GDF1: variants seen among roughly 807,000 people sequenced by gnomAD.
GDF1 encodes embryonic growth/differentiation factor 1.
A neutral mutation model predicts 7.4 loss-of-function variants in GDF1; 8 were observed. The observed-to-expected ratio is 1.09, with a 90% confidence interval of 0.64 to 1.96. The LOEUF is 1.96. Ranked by LOEUF, GDF1 falls within the 30% of genes most tolerant of loss-of-function variation. The pLI is 0.00. For missense variants in GDF1, 574 were observed against 551.5 expected (o/e 1.04, Z -0.41); for synonymous variants, 311 against 276.7 (o/e 1.12, Z -1.23).
rs1195603216 is a variant in GDF1, at chr19:18,878,454, CCT to C, written c.-313+474_-313+475del. 8.1e-6 allele frequency: 8 copies of C among 992,030 alleles called. No homozygotes were observed. The Admixed American group carries it at 1.7e-4, about 21-fold the overall frequency. The allele number at this position is 992,030 out of a possible 1,614,324, so 61.5% of individuals were successfully genotyped here. A position where few individuals can be genotyped will look rare whatever the true frequency, so the allele number is the denominator to read the frequency against. On this transcript the variant is annotated intron_variant, in intron 6 of 7. Coordinates refer to ENST00000247005, the MANE Select transcript of GDF1 (RefSeq NM_001492.6). This position sits in a 1 kb window ranked among gnomAD's most constrained non-coding sequence, Gnocchi z 4.6. ...CCTGTTTGGCCGGGCAGTGGGCTCC[CCT>C]GTCAAACTCAGAGGCCAGGATGTCT...
chr19:18,895,811 C>A lies in GDF1; in HGVS notation c.-1074+13G>T. On this transcript the variant is annotated intron_variant, in intron 1 of 7. Coordinates refer to ENST00000247005, the MANE Select transcript of GDF1 (RefSeq NM_001492.6). The surrounding 1 kb of genome is among the most constrained non-coding windows in gnomAD (Gnocchi z 6.4). ...TCCGGGGTCCCCTCGTCCCGGCCCC[C>A]GGCCACACTGACCCGAAAGAGGCGC... 4.0e-6 allele frequency: 5 copies of A among 1,236,096 alleles called. No homozygotes were observed. Among genetic ancestry groups the A allele is most frequent in the Non-Finnish European group, 5.1e-6 (5 of 982,514 alleles). The allele number at this position is 1,236,096 out of a possible 1,614,324, so 76.6% of individuals were successfully genotyped here.
At chr19:18,883,613 G>T (rs1301065594) in intron 3 of GDF1, among the ~76,000 whole-genome samples, 1 of 152,190 alleles carries the variant, frequency 6.6e-6, no homozygotes, top group African/African-American at 2.4e-5. Context: ...AAGCCGGGTG[G>T]GTTTTATGCA....
chr19:18,877,396 C>G (rs2056077430), intron 6 of GDF1, among the ~76,000 whole-genome samples: 1 of 152,182 alleles, frequency 6.6e-6, no homozygotes, highest in African/African-American at 2.4e-5. Flanking sequence ...AAACTGGTGC[C>G]CCCTTTAGCC....
chr19:18,869,319 G>C lies in GDF1; in HGVS notation c.397C>G (p.Leu133Val). ...CGCTCAGCGGGTTCCACAGCCGACA[G>C]GTCGAAGACGACTGTCCACTCAGGG... The part of the protein sequence containing the change: ...HCPEWTVVFD[L>V]SAVEPAERPS... The change falls in exon 8 of 8, where the codon CTG becomes GTG. Residue 133 changes from leucine (L) to valine (V), a missense_variant. Transcript: ENST00000247005. The C allele has an allele frequency of 1.3e-6, 2 of 1,525,328 alleles. No homozygotes were observed. Among genetic ancestry groups the C allele is most frequent in the Non-Finnish European group, 1.7e-6 (2 of 1,143,462 alleles). 94.5% of individuals were successfully genotyped at this position (1,525,328 alleles called of 1,614,324 possible).
chr19:18,887,993 TGGAATCACA>T lies in GDF1; in HGVS notation c.-913-3735_-913-3727del, dbSNP rs1284870731. On this transcript the variant is annotated intron_variant, in intron 2 of 7. Transcript: ENST00000247005. ...GATGACTGTAGGAACCTCATATAAG[TGGAATCACA>T]TAGTATTTGTCTTTTTGTGATTGGC... Among the ~76,000 whole-genome samples, 25 of 152,198 alleles carry T rather than the reference TGGAATCACA, an allele frequency of 1.6e-4. 1 individual carries two copies. In the South Asian group the frequency reaches 1.7e-3, roughly 10 times the overall value.
intron 2 of GDF1, among the ~76,000 whole-genome samples, chr19:18,890,081 C>G (rs1411209753): frequency 6.6e-6 from 1 of 152,172 alleles, no homozygotes; most frequent in Admixed American, 6.5e-5. Context: ...GCTCCCAGCC[C>G]ACAGATAAGT....
At chr19:18,879,160 C>A in intron 5 of GDF1, 81 bp downstream of exon 5, 2 of 1,598,798 alleles carry the variant, frequency 1.3e-6, no homozygotes, top group Non-Finnish European at 8.5e-7. Context: ...ACGTGCCCCT[C>A]CCCGGGACTG....
intron 6 of GDF1, among the ~76,000 whole-genome samples, chr19:18,874,596 C>T (rs1038867148): frequency 3.3e-5 from 5 of 152,222 alleles, no homozygotes; most frequent in Non-Finnish European, 4.4e-5. Flanking sequence ...TGGCCGGTCC[C>T]GGCAGCCCCT....
rs1482686380 is a variant in GDF1 at position 18,883,983 on chromosome 19, G to A, written c.-733+104C>T. ...CTTGGAACCCTGAGCACTCCGACCT[G>A]ATGTGATCCCCTCCACGGCCTCCTC... On this transcript the variant is annotated intron_variant, in intron 3 of 7. Transcript: ENST00000247005. The A allele has an allele frequency of 7.1e-6, 9 of 1,274,474 alleles. No individual in the cohort carries two copies. The African/African-American group carries it at 1.3e-4, about 19-fold the overall frequency. 78.9% of individuals were successfully genotyped at this position (1,274,474 alleles called of 1,614,324 possible).
rs750210287 is a variant in GDF1, at chr19:18,868,912, G to A, written c.804C>T (p.Arg268=). The change falls in exon 8 of 8, where the codon CGC becomes CGT. Residue 268 remains arginine, a synonymous_variant. Coordinates refer to ENST00000247005, the MANE Select transcript of GDF1 (RefSeq NM_001492.6). Reference sequence around the variant, plus strand: ...GGAAGCTCACGTACAGCCGCCGCGCGCGACAAGCGCCCCCGGGGCCGCCGC... The same window carrying A: ...GGAAGCTCACGTACAGCCGCCGCGCACGACAAGCGCCCCCGGGGCCGCCGC... ...VLGGGPGGAC[R]ARRLYVSFRE... 23 of 1,371,656 alleles carry A rather than the reference G, an allele frequency of 1.7e-5. No homozygotes were observed. The South Asian group carries it at 3.0e-4, about 18-fold the overall frequency. The allele number at this position is 1,371,656 out of a possible 1,614,324, so 85.0% of individuals were successfully genotyped here.
rs1409061381 is a variant in GDF1, at chr19:18,870,361, C to T, written c.-54G>A. ...CGCAGGGTCCGCGGCGGCCCGGGAC[C>T]AGTGGGCTGAGGGCGGGGCCGGTGT... On this transcript the variant is annotated 5_prime_UTR_variant, in exon 7 of 8. Transcript: ENST00000247005. This position sits in a 1 kb window ranked among gnomAD's most constrained non-coding sequence, Gnocchi z 5.1. The T allele has an allele frequency of 6.5e-7, 1 of 1,537,986 alleles. No individual in the cohort carries two copies. Among genetic ancestry groups the T allele is most frequent in the East Asian group, 2.5e-5 (1 of 40,554 alleles).
intron 6 of GDF1, among the ~76,000 whole-genome samples, chr19:18,871,080 G>A (rs922186489): frequency 1.3e-5 from 2 of 150,660 alleles, no homozygotes; most frequent in Admixed American, 6.6e-5. Flanking sequence ...TCCCTTCCAT[G>A]TTCTTTTATT....
Position 18,869,209 on chromosome 19 carries a change from T to G in GDF1, c.507A>C (p.Gln169His), listed in dbSNP as rs1280861632. The change falls in exon 8 of 8, where the codon CAA becomes CAC. Residue 169 changes from glutamine to histidine, a missense_variant. Gln to His is a conservative substitution (Grantham distance 24). Coordinates refer to ENST00000247005, the MANE Select transcript of GDF1 (RefSeq NM_001492.6). The part of the protein sequence containing the change: ...PEGGWELSVA[Q>H]AGQGAGADPG... ...GGTCCGCGCCCGCGCCCTGGCCCGC[T>G]TGCGCCACGCTCAGCTCCCAGCCGC... 2.6e-5 allele frequency: 33 copies of G among 1,282,254 alleles called. No homozygotes were observed. Among genetic ancestry groups the G allele is most frequent in the Non-Finnish European group, 2.0e-6 (2 of 1,019,392 alleles). The allele number at this position is 1,282,254 out of a possible 1,614,324, so 79.4% of individuals were successfully genotyped here. A position where few individuals can be genotyped will look rare whatever the true frequency, so the allele number is the denominator to read the frequency against.
intron 1 of GDF1, 39 bp from the exon 2 acceptor site, chr19:18,893,614 G>A: frequency 1.9e-6 from 3 of 1,577,092 alleles, no homozygotes; most frequent in Non-Finnish European, 2.6e-6. Flanking sequence ...ATTGGTGCTG[G>A]GGGCCAGAGA....
rs2055906573 is a variant in GDF1, at chr19:18,868,936, GC to G, written c.779del (p.Gly260AlafsTer15). The G allele has an allele frequency of 2.3e-6, 3 of 1,285,276 alleles. No individual in the cohort carries two copies. Among genetic ancestry groups the G allele is most frequent in the African/African-American group, 1.6e-5 (1 of 61,604 alleles). 79.6% of individuals were successfully genotyped at this position (1,285,276 alleles called of 1,614,324 possible). A position where few individuals can be genotyped will look rare whatever the true frequency, so the allele number is the denominator to read the frequency against. ...CGCGACAAGCGCCCCCGGGGCCGCC[GC>G]CCAACACGGGTTCGGCGTCGCGCCG... The part of the protein sequence containing the change: ...RPRRDAEPVL[G>X]GGPGGACRAR... On this transcript the variant is annotated frameshift_variant, in exon 8 of 8. Transcript: ENST00000247005. LOFTEE classifies it low-confidence loss of function (END_TRUNC).
intron 2 of GDF1, among the ~76,000 whole-genome samples, chr19:18,888,533 A>C (rs922253108): frequency 1.3e-4 from 19 of 145,606 alleles, no homozygotes; most frequent in South Asian, 6.6e-4. Flanking sequence ...AAAAAAAAAA[A>C]AAAAAAAAAA....
intron 6 of GDF1, among the ~76,000 whole-genome samples, chr19:18,875,788 AAAG>A (rs930934223): frequency 1.4e-4 from 21 of 152,154 alleles, no homozygotes; most frequent in African/African-American, 3.9e-4. Context: ...GAGAGACAGA[AAAG>A]AAGAAGAGAA....
At chr19:18,876,550 G>GTA (rs1354891397) in intron 6 of GDF1, among the ~76,000 whole-genome samples, 1 of 151,246 alleles carries the variant, frequency 6.6e-6, no homozygotes, top group African/African-American at 2.4e-5. Flanking sequence ...GTGTGTGTGT[G>GTA]TGTGTGTGTG....
chr19:18,880,858 C>T (rs902530760), intron 3 of GDF1, among the ~76,000 whole-genome samples: 8 of 152,066 alleles, frequency 5.3e-5, no homozygotes, highest in Non-Finnish European at 1.0e-4. Flanking sequence ...ACACCACACA[C>T]GGCTAATTTT....
Sources: gnomAD v4.1 joint callset for allele counts (sites outside exome capture counted in the v4.1 genomes callset) on GRCh38, gnomAD v4.1.1 for gene constraint, Gnocchi (gnomAD v3.1) non-coding constraint, MANE v1.5 for transcripts, NCBI Gene and HGNC (gene_info 2026-07-23, HGNC 2026-07-21) for gene names.